Variants in ADGRL2 observed in about 807,000 individuals in gnomAD.
ADGRL2 encodes the protein calcium-independent alpha-latrotoxin receptor 2.
In ADGRL2, 44 loss-of-function variants were observed where a neutral mutation model predicts 157.4. That is an observed-to-expected ratio of 0.28 (90% CI 0.22 to 0.36). The LOEUF is 0.36. ADGRL2 is among the 10% of genes least tolerant of loss of function. ADGRL2 has a pLI of 1.00. For synonymous variants in ADGRL2, 585 were observed against 624.7 expected, an observed-to-expected ratio of 0.94 and a Z score of 0.95; for missense variants, 1,510 against 1,768.9, an observed-to-expected ratio of 0.85 and a Z score of 2.63.
intron 2 of ADGRL2, among the ~76,000 whole-genome samples, chr1:81,547,019 T>A (rs2080033970): frequency 6.6e-6 from 1 of 152,162 alleles, no homozygotes; most frequent in Non-Finnish European, 1.5e-5. Flanking sequence ...CAAGCCCCCA[T>A]CTCCACTTTT....
intron 17 of ADGRL2, among the ~76,000 whole-genome samples, chr1:81,976,308 T>C (rs1572470820): frequency 6.6e-6 from 1 of 152,062 alleles, no homozygotes; most frequent in Non-Finnish European, 1.5e-5. Context: ...CTTGAAATGA[T>C]GATATTTTGT....
chr1:81,568,358 C>G (rs777744897), intron 2 of ADGRL2, among the ~76,000 whole-genome samples: 3 of 152,122 alleles, frequency 2.0e-5, no homozygotes, highest in Non-Finnish European at 4.4e-5. Context: ...TGAGCTGAAT[C>G]AACCAGGTTT....
intron 2 of ADGRL2, among the ~76,000 whole-genome samples, chr1:81,868,175 A>G (rs1312533926): frequency 6.6e-6 from 1 of 151,990 alleles, no homozygotes; most frequent in Non-Finnish European, 1.5e-5. Flanking sequence ...GCATTGCAGT[A>G]GGCAGTGCTA....
chr1:81,319,575 G>A (rs1471083369), intron 1 of ADGRL2, among the ~76,000 whole-genome samples: 1 of 152,198 alleles, frequency 6.6e-6, no homozygotes, highest in Non-Finnish European at 1.5e-5. Context: ...TCAGAGAGGC[G>A]GGGCTCAACA....
At chr1:81,962,749 G>A (rs892928789) in intron 11 of ADGRL2, among the ~76,000 whole-genome samples, 10 of 152,034 alleles carry the variant, frequency 6.6e-5, no homozygotes, top group Non-Finnish European at 1.2e-4. Flanking sequence ...CCTTGTTTAC[G>A]TTTAGTGCGT....
chr1:81,810,267 C>T (rs1014853809), intron 1 of ADGRL2, among the ~76,000 whole-genome samples: 1 of 151,854 alleles, frequency 6.6e-6, no homozygotes, highest in African/African-American at 2.4e-5. Flanking sequence ...TTAGTTGATA[C>T]AATATTTCTG....
At chr1:81,821,720 G>C (rs895251338) in intron 1 of ADGRL2, among the ~76,000 whole-genome samples, 1 of 152,034 alleles carries the variant, frequency 6.6e-6, no homozygotes, top group African/African-American at 2.4e-5. Flanking sequence ...TTTAATTTGA[G>C]GAGTATTACA....
chr1:81,387,231 C>T (rs548410451), intron 1 of ADGRL2, among the ~76,000 whole-genome samples: 1 of 152,190 alleles, frequency 6.6e-6, no homozygotes, highest in Admixed American at 6.5e-5. Flanking sequence ...TAATTGTCAT[C>T]ATTATTGCTT....
intron 2 of ADGRL2, among the ~76,000 whole-genome samples, chr1:81,461,533 A>C (rs1038052763): frequency 1.3e-5 from 2 of 152,122 alleles, no homozygotes; most frequent in African/African-American, 4.8e-5. Context: ...TTGCATTTTA[A>C]TCTCAAACTG....
At chr1:81,903,733 T>A (rs2094530976) in intron 2 of ADGRL2, among the ~76,000 whole-genome samples, 1 of 139,974 alleles carries the variant, frequency 7.1e-6, no homozygotes. Flanking sequence ...ATATATACAT[T>A]ATATATACAC....
chr1:81,497,900 T>G (rs2078763524), intron 2 of ADGRL2, among the ~76,000 whole-genome samples: 1 of 152,222 alleles, frequency 6.6e-6, no homozygotes. Context: ...TACTCATTCT[T>G]GACTGCTGAC....
At chr1:81,670,084 T>C in intron 3 of ADGRL2, among the ~76,000 whole-genome samples, 1 of 119,002 alleles carries the variant, frequency 8.4e-6, no homozygotes, top group Admixed American at 7.9e-5. Flanking sequence ...TTCAGAGACT[T>C]TTTGTTTATT....
intron 1 of ADGRL2, chr1:81,427,031 T>G (rs1296042850): frequency 9.0e-7 from 1 of 1,113,984 alleles, no homozygotes; most frequent in South Asian, 1.2e-5. Flanking sequence ...TTGATAACAT[T>G]GTTATTCAGA....
chr1:81,980,721 TAA>T lies in ADGRL2; in HGVS notation c.3113+762_3113+763del, dbSNP rs1661416080. 4 of 594,340 alleles carry T rather than the reference TAA, an allele frequency of 6.7e-6. No individual in the cohort carries two copies. In the South Asian group the frequency reaches 9.6e-5, roughly 14 times the overall value. The allele number at this position is 594,340 out of a possible 1,614,324, so 36.8% of individuals were successfully genotyped here. ...GCCAGCTTCATTGCATGTTGCATGG[TAA>T]GAGAGAGAGCTAATCTTTAGCATCT... is the stretch of plus-strand genomic sequence containing the variant. On this transcript the variant is annotated intron_variant, in intron 18 of 23. Transcript: ENST00000686636.
intron 3 of ADGRL2, among the ~76,000 whole-genome samples, chr1:81,670,288 C>T (rs1368510776): frequency 6.6e-6 from 1 of 152,152 alleles, no homozygotes; most frequent in East Asian, 1.9e-4. Flanking sequence ...TTTGCTATTT[C>T]GTTATGGAGT....
intron 1 of ADGRL2, among the ~76,000 whole-genome samples, chr1:81,366,251 C>CTCT (rs2076064532): frequency 6.6e-6 from 1 of 151,476 alleles, no homozygotes; most frequent in Admixed American, 6.6e-5. Flanking sequence ...ACTTCATGAG[C>CTCT]TCTTCACTAA....
At chr1:81,808,112 G>A (rs2149596874) in intron 1 of ADGRL2, among the ~76,000 whole-genome samples, 1 of 151,918 alleles carries the variant, frequency 6.6e-6, no homozygotes, top group East Asian at 1.9e-4. Flanking sequence ...GAAGTAGAAA[G>A]CAAGTTTAAA....
chr1:81,355,469 T>C (rs1315958905), intron 1 of ADGRL2, among the ~76,000 whole-genome samples: 1 of 152,220 alleles, frequency 6.6e-6, no homozygotes, highest in Non-Finnish European at 1.5e-5. Context: ...ATATTCTATA[T>C]ATTTACTTGT....
chr1:81,805,025 T>G (rs2088900024), intron 1 of ADGRL2, among the ~76,000 whole-genome samples: 1 of 152,192 alleles, frequency 6.6e-6, no homozygotes, highest in African/African-American at 2.4e-5. Context: ...AAGATTCAAA[T>G]TTTTGTGAAT....
Sources: gnomAD v4.1 joint callset for allele counts (sites outside exome capture counted in the v4.1 genomes callset) on GRCh38, gnomAD v4.1.1 for gene constraint, MANE v1.5 for transcripts, NCBI Gene and HGNC (gene_info 2026-07-23, HGNC 2026-07-21) for gene names.